Variants in KCNQ1OT1 observed in about 807,000 individuals in gnomAD.
KCNQ1OT1 encodes the protein KCNQ1 antisense RNA 2 (non-protein coding).
chr11:2,634,233 A>G, exon 1 of KCNQ1OT1: 1 of 389,892 alleles, frequency 2.6e-6, no homozygotes, highest in Non-Finnish European at 4.5e-6. Context: ...GGTTTGTTAC[A>G]TATGTATACA....
chr11:2,632,305 GATCAT>G, exon 1 of KCNQ1OT1: 1 of 397,046 alleles, frequency 2.5e-6, no homozygotes, highest in Non-Finnish European at 4.4e-6. Flanking sequence ...CTACAAATAT[GATCAT>G]ATCTATGAAC....
exon 1 of KCNQ1OT1, chr11:2,618,195 T>G (rs928489816): frequency 5.0e-6 from 2 of 398,442 alleles, no homozygotes; most frequent in Admixed American, 8.8e-5. Context: ...TTTATTTCTA[T>G]GTATGGTGTA....
exon 1 of KCNQ1OT1, chr11:2,609,716 T>A (rs1848947185): frequency 2.5e-6 from 1 of 398,388 alleles, no homozygotes; most frequent in Non-Finnish European, 4.4e-6. Flanking sequence ...GTTAGGTGAA[T>A]ATATGTTTAT....
At chr11:2,632,899 T>TTA in exon 1 of KCNQ1OT1, 1 of 398,502 alleles carries the variant, frequency 2.5e-6, no homozygotes, top group Non-Finnish European at 4.4e-6. Flanking sequence ...AATATCTTTT[T>TTA]TATATACTGA....
chr11:2,644,325 G>C, exon 1 of KCNQ1OT1: 1 of 398,154 alleles, frequency 2.5e-6, no homozygotes, highest in Admixed American at 4.4e-5. Flanking sequence ...TTATCTTCAA[G>C]GTGTGAAATT....
At chr11:2,675,555 A>G (rs1190036052) in exon 1 of KCNQ1OT1, 1 of 398,566 alleles carries the variant, frequency 2.5e-6, no homozygotes, top group African/African-American at 2.1e-5. Flanking sequence ...AAATTCTGTA[A>G]TAAGACATAC....
At position 2,659,069 on chromosome 11, in the gene KCNQ1OT1, T is replaced by C. The variant is rs988019218; in HGVS notation, n.40926A>G. On this transcript the variant is annotated non_coding_transcript_exon_variant, in exon 1 of 1. Coordinates refer to ENST00000597346, the Ensembl canonical transcript of KCNQ1OT1. The surrounding 1 kb of genome is among the most constrained non-coding windows in gnomAD (Gnocchi z 4.3). The stretch of plus-strand genomic sequence containing the variant: ...TCATTTGTTTGTAACACGCTCATCA[T>C]AGTCTGCTTTTCATCGTAGGGTCCT... 4 of 398,510 alleles carry C rather than the reference T, an allele frequency of 1.0e-5. No individual in the cohort carries two copies. Among genetic ancestry groups the C allele is most frequent in the African/African-American group, 6.2e-5 (3 of 48,644 alleles). The allele number at this position is 398,510 out of a possible 1,614,324, so 24.7% of individuals were successfully genotyped here.
rs1429486193 is a variant in KCNQ1OT1, at chr11:2,633,967, T to TTCATTTATA, written n.66027_66028insTATAAATGA. 3.1e-4 allele frequency: 122 copies of TTCATTTATA among 398,494 alleles called. No individual in the cohort carries two copies. Among genetic ancestry groups the TTCATTTATA allele is most frequent in the African/African-American group, 2.3e-3 (113 of 48,624 alleles). The allele number at this position is 398,494 out of a possible 1,614,324, so 24.7% of individuals were successfully genotyped here. A position where few individuals can be genotyped will look rare whatever the true frequency, so the allele number is the denominator to read the frequency against. The stretch of plus-strand genomic sequence containing the variant: ...TCCACGTATAAATGAACCTATACAG[T>TTCATTTATA]TCAAATCTATGTTGTTGAAGAGTCG... On this transcript the variant is annotated non_coding_transcript_exon_variant, in exon 1 of 1. Transcript: ENST00000597346.
At position 2,621,617 on chromosome 11, in the gene KCNQ1OT1, G is replaced by GT. The variant is rs927397646; in HGVS notation, n.78377dup. The GT allele has an allele frequency of 2.3e-4, 93 of 398,216 alleles. 1 individual carries two copies. In the Middle Eastern group the frequency reaches 2.5e-3, roughly 11 times the overall value. 24.7% of individuals were successfully genotyped at this position (398,216 alleles called of 1,614,324 possible). ...TTCCTGATTTAATCTTAGCAGGTTGGTTTTTTTCTAGGAATTTGTCCATTT... is the reference window on the plus strand; with the variant it reads ...TTCCTGATTTAATCTTAGCAGGTTGGTTTTTTTTCTAGGAATTTGTCCATTT... On this transcript the variant is annotated non_coding_transcript_exon_variant, in exon 1 of 1. Transcript: ENST00000597346. The surrounding 1 kb of genome is among the most constrained non-coding windows in gnomAD (Gnocchi z 5.7).
chr11:2,631,893 C>A, exon 1 of KCNQ1OT1: 1 of 397,856 alleles, frequency 2.5e-6, no homozygotes, highest in Non-Finnish European at 4.4e-6. Flanking sequence ...TATAGAAATG[C>A]AACTGAAAGC....
At chr11:2,640,128 G>T in exon 1 of KCNQ1OT1, 1 of 329,636 alleles carries the variant, frequency 3.0e-6, no homozygotes, top group Non-Finnish European at 5.4e-6. Context: ...GGCTAGGAAA[G>T]GGAATTCCCT....
At chr11:2,636,028 T>G (rs536126957) in exon 1 of KCNQ1OT1, 1 of 152,266 alleles carries the variant, frequency 6.6e-6, no homozygotes. Context: ...TTTTGCACAT[T>G]GATTTTGTAT....
chr11:2,631,746 T>A, exon 1 of KCNQ1OT1: 2 of 398,660 alleles, frequency 5.0e-6, no homozygotes, highest in Non-Finnish European at 4.4e-6. Flanking sequence ...GGAATACTCT[T>A]CTTGCAGCTC....
At chr11:2,684,379 C>T (rs552011661) in exon 1 of KCNQ1OT1, 1 of 398,642 alleles carries the variant, frequency 2.5e-6, no homozygotes, top group South Asian at 1.3e-4. Context: ...ATGAGACAAG[C>T]TCCAGTGGGG....
In KCNQ1OT1 at chr11:2,669,835, C is replaced by T. The variant is rs936464402; in HGVS notation, n.30160G>A. 2 of 398,450 alleles carry T rather than the reference C, an allele frequency of 5.0e-6. No homozygotes were observed. Among genetic ancestry groups the T allele is most frequent in the African/African-American group, 4.1e-5 (2 of 48,582 alleles). The allele number at this position is 398,450 out of a possible 1,614,324, so 24.7% of individuals were successfully genotyped here. A position where few individuals can be genotyped will look rare whatever the true frequency, so the allele number is the denominator to read the frequency against. On this transcript the variant is annotated non_coding_transcript_exon_variant, in exon 1 of 1. Transcript: ENST00000597346. This position sits in a 1 kb window ranked among gnomAD's most constrained non-coding sequence, Gnocchi z 5.6. ...TTTGAGACTGCCAGGTCATGAGTTA[C>T]CATGGGATACAAATGGGGTCACAAC...
In KCNQ1OT1 at chr11:2,627,886, G is replaced by C. The variant is rs921885629; in HGVS notation, n.72109C>G. 1.3e-5 allele frequency: 5 copies of C among 398,570 alleles called. No individual in the cohort carries two copies. The highest frequency in any genetic ancestry group is 2.2e-5 in the Non-Finnish European group (5 of 226,252). The allele number at this position is 398,570 out of a possible 1,614,324, so 24.7% of individuals were successfully genotyped here. On this transcript the variant is annotated non_coding_transcript_exon_variant, in exon 1 of 1. Transcript: ENST00000597346. The surrounding 1 kb of genome is among the most constrained non-coding windows in gnomAD (Gnocchi z 4.9). ...CTGCCTCAGCCTCCTGAGTAGCTGG[G>C]ACCACAGTCATGCACCCCCATGCCC...
chr11:2,609,794 A>C, exon 1 of KCNQ1OT1: 1 of 398,248 alleles, frequency 2.5e-6, no homozygotes, highest in Non-Finnish European at 4.4e-6. Context: ...CTTCAGTAAC[A>C]TTCTTAATTT....
exon 1 of KCNQ1OT1, chr11:2,699,421 C>A (rs1213520574): frequency 5.0e-6 from 2 of 400,104 alleles, no homozygotes; most frequent in Non-Finnish European, 8.7e-6. Context: ...GAGGGCCGCG[C>A]TGAGGAGAGT....
At position 2,651,918 on chromosome 11, in the gene KCNQ1OT1, TCTCCTCCTACTCA is replaced by T; in HGVS notation, n.48064_48076del. The stretch of plus-strand genomic sequence containing the variant: ...CGAGGGTCCCTCTGGGGCCGCTTGC[TCTCCTCCTACTCA>T]CAGCCCTCCTGCAGCCAGCAGCAGT... On this transcript the variant is annotated non_coding_transcript_exon_variant, in exon 1 of 1. Coordinates refer to ENST00000597346, the Ensembl canonical transcript of KCNQ1OT1. This position sits in a 1 kb window ranked among gnomAD's most constrained non-coding sequence, Gnocchi z 6.1. The T allele has an allele frequency of 2.5e-6, 1 of 398,732 alleles. No individual in the cohort carries two copies. Among genetic ancestry groups the T allele is most frequent in the East Asian group, 3.6e-5 (1 of 28,072 alleles). The allele number at this position is 398,732 out of a possible 1,614,324, so 24.7% of individuals were successfully genotyped here.
Sources: gnomAD v4.1 joint callset for allele counts on GRCh38, gnomAD v4.1.1 for gene constraint, Gnocchi (gnomAD v3.1) non-coding constraint, MANE v1.5 for transcripts, NCBI Gene and HGNC (gene_info 2026-07-23, HGNC 2026-07-21) for gene names.